DCLK2: variants seen among roughly 807,000 people sequenced by gnomAD.
The protein encoded by DCLK2 is serine/threonine-protein kinase DCLK2.
In DCLK2, 31 loss-of-function variants were observed where a neutral mutation model predicts 78.4. That is an observed-to-expected ratio of 0.40 (90% CI 0.30 to 0.53). The LOEUF (loss-of-function observed/expected upper bound fraction) is 0.53. DCLK2 is among the 20% of genes least tolerant of loss of function. DCLK2 has a pLI of 0.61. For synonymous variants in DCLK2, 407 were observed against 374.9 expected (o/e 1.09, Z -0.99); for missense variants, 872 against 973.7 (o/e 0.90, Z 1.39).
At chr4:150,164,041 A>T (rs544526266) in intron 2 of DCLK2, among the ~76,000 whole-genome samples, 72 of 152,314 alleles carry the variant, frequency 4.7e-4, no homozygotes, top group South Asian at 1.0e-3. Context: ...AAAGTGCTGG[A>T]ATTATAGGCA....
At chr4:150,193,331 A>G in intron 3 of DCLK2, 91 bp downstream of exon 3, 1 of 753,356 alleles carries the variant, frequency 1.3e-6, no homozygotes, top group Non-Finnish European at 2.2e-6. Context: ...GTGCATGTTA[A>G]GAAGTCTGAC....
intron 2 of DCLK2, among the ~76,000 whole-genome samples, chr4:150,132,459 C>G (rs901325450): frequency 1.3e-5 from 2 of 152,188 alleles, no homozygotes; most frequent in Admixed American, 6.5e-5. Flanking sequence ...GCTTTCAATG[C>G]CAGGGATGGT....
intron 2 of DCLK2, among the ~76,000 whole-genome samples, chr4:150,153,606 G>A (rs1320377785): frequency 6.6e-6 from 1 of 151,894 alleles, no homozygotes; most frequent in East Asian, 1.9e-4. Context: ...TAGAGACGGG[G>A]TTTTTTCCAT....
chr4:150,157,101 A>G (rs1266485570), intron 2 of DCLK2, among the ~76,000 whole-genome samples: 1 of 151,432 alleles, frequency 6.6e-6, no homozygotes, highest in African/African-American at 2.4e-5. Flanking sequence ...TGTATGTATC[A>G]GTCCAAACTC....
chr4:150,172,484 G>A (rs1181111728), intron 2 of DCLK2, among the ~76,000 whole-genome samples: 2 of 151,588 alleles, frequency 1.3e-5, no homozygotes, highest in African/African-American at 4.8e-5. Flanking sequence ...GCGGGCGCCT[G>A]TAGTCTTAGC....
chr4:150,123,288 A>G (rs772169636), intron 2 of DCLK2, among the ~76,000 whole-genome samples: 1 of 152,174 alleles, frequency 6.6e-6, no homozygotes, highest in African/African-American at 2.4e-5. Context: ...TTGAACACTT[A>G]GAGGCCATTG....
chr4:150,157,538 A>T (rs1000923209), intron 2 of DCLK2, among the ~76,000 whole-genome samples: 4 of 141,728 alleles, frequency 2.8e-5, no homozygotes, highest in East Asian at 4.2e-4. Flanking sequence ...TTTGAGCTGG[A>T]GTCTCTCTCT....
intron 2 of DCLK2, among the ~76,000 whole-genome samples, chr4:150,172,769 G>C (rs1218583958): frequency 1.2e-4 from 18 of 145,810 alleles, no homozygotes; most frequent in Middle Eastern, 3.5e-3. Flanking sequence ...TTGGGGGGGG[G>C]GGGGATACCT....
chr4:150,250,229 A>G (rs1743662611), intron 15 of DCLK2, among the ~76,000 whole-genome samples: 1 of 152,218 alleles, frequency 6.6e-6, no homozygotes, highest in Non-Finnish European at 1.5e-5. Flanking sequence ...ATTTTATGAG[A>G]TGTCAGTGAC....
chr4:150,081,337 C>T (rs761429459), intron 1 of DCLK2, among the ~76,000 whole-genome samples: 2 of 152,148 alleles, frequency 1.3e-5, no homozygotes, highest in Non-Finnish European at 2.9e-5. Flanking sequence ...TACCGCCCAC[C>T]GCATGCATGT....
rs571319711 is a variant in DCLK2 at position 150,091,749 on chromosome 4, T to G, written c.422-10729T>G. 2.7e-5 allele frequency among the ~76,000 whole-genome samples: 4 copies of G among 149,916 alleles called. No individual in the cohort carries two copies. The Admixed American group carries it at 2.7e-4, about 10-fold the overall frequency. The stretch of plus-strand genomic sequence containing the variant: ...CCTACATAAGATTCCATGTAGTTCT[T>G]TGTCCTAAAAGGAACATTTATGTGT... On this transcript the variant is annotated intron_variant, in intron 1 of 15. Coordinates refer to ENST00000296550, the MANE Select transcript of DCLK2 (RefSeq NM_001040260.4).
chr4:150,194,418 TA>T (rs1363728450), intron 3 of DCLK2, among the ~76,000 whole-genome samples: 1 of 152,206 alleles, frequency 6.6e-6, no homozygotes, highest in Admixed American at 6.5e-5. Flanking sequence ...GACATATGAC[TA>T]TATTTAGAAA....
intron 5 of DCLK2, among the ~76,000 whole-genome samples, chr4:150,208,568 G>A (rs1740034651): frequency 6.6e-6 from 1 of 151,934 alleles, no homozygotes; most frequent in Admixed American, 6.6e-5. Flanking sequence ...TTGCTCCACA[G>A]GAAAAAGGGT....
chr4:150,255,800 C>T (rs915077009), intron 15 of DCLK2, among the ~76,000 whole-genome samples: 7 of 152,186 alleles, frequency 4.6e-5, no homozygotes, highest in Non-Finnish European at 1.5e-5. Flanking sequence ...CCTGGGCTGC[C>T]AGCCTGGGTC....
At chr4:150,243,400 A>G (rs764037926) in intron 12 of DCLK2, among the ~76,000 whole-genome samples, 1 of 151,330 alleles carries the variant, frequency 6.6e-6, no homozygotes, top group South Asian at 2.1e-4. Flanking sequence ...AAGTGTCTTC[A>G]TGGCATACAG....
intron 2 of DCLK2, among the ~76,000 whole-genome samples, chr4:150,139,597 AGTTAAT>A (rs1203009625): frequency 3.9e-5 from 6 of 152,230 alleles, no homozygotes; most frequent in Non-Finnish European, 7.3e-5. Flanking sequence ...AGGAGTTTGT[AGTTAAT>A]GTTAAAGTGC....
At chr4:150,205,637 A>G (rs2126461003) in intron 5 of DCLK2, among the ~76,000 whole-genome samples, 1 of 152,354 alleles carries the variant, frequency 6.6e-6, no homozygotes, top group South Asian at 2.1e-4. Context: ...TAGTAAGCTA[A>G]TTATTTTCAG....
intron 8 of DCLK2, among the ~76,000 whole-genome samples, chr4:150,226,388 T>C (rs1741611181): frequency 6.6e-6 from 1 of 152,162 alleles, no homozygotes; most frequent in Non-Finnish European, 1.5e-5. Context: ...TACTAATGTT[T>C]TTCACTGTAA....
intron 2 of DCLK2, among the ~76,000 whole-genome samples, chr4:150,180,166 A>G (rs986165838): frequency 6.6e-6 from 1 of 152,198 alleles, no homozygotes; most frequent in African/African-American, 2.4e-5. Context: ...TATAAAGAGT[A>G]TGTTCCAAGT....
Sources: gnomAD v4.1 joint callset for allele counts (sites outside exome capture counted in the v4.1 genomes callset) on GRCh38, gnomAD v4.1.1 for gene constraint, MANE v1.5 for transcripts, NCBI Gene and HGNC (gene_info 2026-07-23, HGNC 2026-07-21) for gene names.